Variants in LPCAT3 observed in about 807,000 individuals in gnomAD.
The protein encoded by LPCAT3 is lysophospholipid acyltransferase 5.
In LPCAT3, 21 loss-of-function variants were observed where a neutral mutation model predicts 63.4. The observed-to-expected ratio is 0.33, with a 90% CI of 0.23 to 0.48. The LOEUF (loss-of-function observed/expected upper bound fraction) is 0.48, where lower values mean the gene tolerates loss of function less well. LPCAT3 is among the 20% of genes least tolerant of loss of function. LPCAT3 has a pLI of 0.99. For missense variants in LPCAT3, 451 were observed against 590.6 expected (o/e 0.76, Z 2.45); for synonymous variants, 242 against 227.5 (o/e 1.06, Z -0.58).
intron 1 of LPCAT3, among the ~76,000 whole-genome samples, chr12:6,996,227 G>C (rs1222503854): frequency 6.6e-6 from 1 of 152,154 alleles, no homozygotes; most frequent in Non-Finnish European, 1.5e-5. Flanking sequence ...GCCTTCACAT[G>C]GTAAGTTCCT....
chr12:6,977,486 G>T lies in LPCAT3; in HGVS notation c.1228C>A (p.Leu410Met). 6.2e-7 allele frequency: 1 copy of T among 1,614,230 alleles called. No homozygotes were observed. Among genetic ancestry groups the T allele is most frequent in the Non-Finnish European group, 8.5e-7 (1 of 1,180,046 alleles). The stretch of plus-strand genomic sequence containing the variant: ...GGCTGGAGGACAGTAATGGCGGCCA[G>T]CTTGCTCAGGGTGGGGCTCTCTTGA... ...LIQESPTLSK[L>M]AAITVLQPFY... The change falls in exon 11 of 13, where the codon CTG (leucine) becomes ATG (methionine). Residue 410 changes from leucine to methionine, a missense_variant. This residue lies in a region of LPCAT3 where 304 missense variants were observed against 390.8 expected (regional missense o/e 0.78). Transcript: ENST00000261407. The surrounding 1 kb of genome is among the most constrained non-coding windows in gnomAD (Gnocchi z 4.5).
intron 1 of LPCAT3, among the ~76,000 whole-genome samples, chr12:7,016,973 G>T (rs1231697841): frequency 6.6e-6 from 1 of 152,216 alleles, no homozygotes; most frequent in East Asian, 1.9e-4. Flanking sequence ...ATTAGGCAAG[G>T]TTGTTTAAAT....
At position 7,018,411 on chromosome 12, in the gene LPCAT3, G is replaced by A; in HGVS notation, c.14C>T (p.Ala5Val). ...CACCACAGTCCCCTCGTCCCCCTCC[G>A]CTGAGGACGCCATCTTAACTCCGGG... MASS[A>V]EGDEGTVVAL... is the part of the protein sequence containing the mutation. Residue 5 changes from alanine to valine, a missense_variant, in exon 1 of 13, where the codon GCG becomes GTG. Physicochemically the swap from Ala to Val is moderately conservative, Grantham distance 64. Transcript: ENST00000261407. The surrounding 1 kb of genome is among the most constrained non-coding windows in gnomAD (Gnocchi z 4.9). 2 of 1,606,858 alleles carry A rather than the reference G, an allele frequency of 1.2e-6. No homozygotes were observed. Among genetic ancestry groups the A allele is most frequent in the Non-Finnish European group, 1.7e-6 (2 of 1,176,170 alleles).
intron 1 of LPCAT3, among the ~76,000 whole-genome samples, chr12:7,010,311 G>A (rs1946753183): frequency 6.6e-6 from 1 of 152,130 alleles, no homozygotes; most frequent in African/African-American, 2.4e-5. Flanking sequence ...CTTTGTAGCT[G>A]GAAAGCTCCT....
At chr12:7,006,096 G>A (rs1946723117) in intron 1 of LPCAT3, among the ~76,000 whole-genome samples, 1 of 152,142 alleles carries the variant, frequency 6.6e-6, no homozygotes, top group African/African-American at 2.4e-5. Context: ...CTGTTGAGAC[G>A]ATGACCTGGG....
intron 2 of LPCAT3, 126 bp downstream of exon 2, chr12:6,983,306 C>T: frequency 1.5e-6 from 1 of 676,636 alleles, no homozygotes; most frequent in Non-Finnish European, 2.7e-6. Context: ...CTTCATACAA[C>T]CCTCTTTGCA....
chr12:6,981,890 A>C lies in LPCAT3; in HGVS notation c.381T>G (p.Ala127=), dbSNP rs781852997. The C allele has an allele frequency of 1.2e-6, 2 of 1,606,826 alleles. No homozygotes were observed. Among genetic ancestry groups the C allele is most frequent in the African/African-American group, 2.7e-5 (2 of 74,852 alleles). ...TFCFQMAYLL[A]GYYYTATGNY... is the part of the protein sequence containing the mutation. ...TGCCGGTGGCAGTGTAATAGTATCC[A>C]GCCAGAAGGTAGGCCTAGGAGAGGC... Residue 127 remains alanine (A), a synonymous_variant, in exon 4 of 13, where the codon GCT becomes GCG. Transcript: ENST00000261407.
Position 6,981,162 on chromosome 12 carries a change from T to C in LPCAT3, c.519A>G (p.Gln173=). ...GAACACCACGTATGGCATATTTCTG[T>C]TGCTCAGAGGACAAGGAATTCTATG... ...GKDQNSLSSE[Q]QKYAIRGVPS... The change falls in exon 6 of 13, where the codon CAA becomes CAG. Residue 173 remains glutamine (Q), a synonymous_variant. Transcript: ENST00000261407. The C allele has an allele frequency of 6.2e-7, 1 of 1,611,344 alleles. No homozygotes were observed. Among genetic ancestry groups the C allele is most frequent in the Non-Finnish European group, 8.5e-7 (1 of 1,178,996 alleles).
rs782597502 is a variant in LPCAT3 at position 6,981,577 on chromosome 12, C to G, written c.498+18G>C. ...TTCATTAAGTCTTGAACCTCTCTGC[C>G]GATGAATGGGTACTTACCTGATCTT... On this transcript the variant is annotated intron_variant, in intron 5 of 12. Transcript: ENST00000261407. 1.3e-5 allele frequency: 21 copies of G among 1,613,312 alleles called. 1 individual carries two copies. The highest frequency in any genetic ancestry group is 8.9e-5 in the East Asian group (4 of 44,858).
chr12:6,984,275 A>T (rs1946500739), intron 1 of LPCAT3, among the ~76,000 whole-genome samples: 1 of 152,250 alleles, frequency 6.6e-6, no homozygotes, highest in South Asian at 2.1e-4. Context: ...CCATGAGTGA[A>T]CCACAGAGGA....
intron 9 of LPCAT3, 89 bp downstream of exon 9, chr12:6,978,252 T>C (rs2138328048): frequency 1.4e-6 from 2 of 1,435,816 alleles, no homozygotes; most frequent in East Asian, 4.6e-5. Context: ...GAAAGACGCA[T>C]AGGGGTGACA....
rs782796167 is a variant in LPCAT3 at position 6,978,783 on chromosome 12, C to T, written c.787-94G>A. ...TTTTCACACTTGTGGCTGGCTACTT[C>T]ATACCTGCCTGAGTCCTGCTGCCAG... On this transcript the variant is annotated intron_variant, in intron 7 of 12. Coordinates refer to ENST00000261407, the MANE Select transcript of LPCAT3 (RefSeq NM_005768.6). 1.9e-6 allele frequency: 3 copies of T among 1,542,182 alleles called. No homozygotes were observed. In the East Asian group the frequency reaches 7.0e-5, roughly 36 times the overall value.
chr12:6,986,070 C>T (rs1394551283), intron 1 of LPCAT3, among the ~76,000 whole-genome samples: 3 of 152,014 alleles, frequency 2.0e-5, no homozygotes, highest in South Asian at 2.1e-4. Context: ...CCACCACGCC[C>T]GGCCAACTGG....
At chr12:6,997,427 G>GTGTT (rs1565603363) in intron 1 of LPCAT3, 6 of 137,546 alleles carry the variant, frequency 4.4e-5, no homozygotes, top group African/African-American at 1.8e-4. Flanking sequence ...GTGTGTGTGT[G>GTGTT]TTTCAAGACA....
At chr12:6,993,046 G>A (rs1410717106) in intron 1 of LPCAT3, among the ~76,000 whole-genome samples, 6 of 152,044 alleles carry the variant, frequency 3.9e-5, no homozygotes, top group African/African-American at 1.4e-4. Flanking sequence ...CAAATATGGA[G>A]GGCTGACTAT....
Position 6,977,973 on chromosome 12 carries a change from G to A in LPCAT3, c.1041-228C>T. 3 of 581,018 alleles carry A rather than the reference G, an allele frequency of 5.2e-6. 1 individual carries two copies. The South Asian group carries it at 6.0e-5, about 12-fold the overall frequency. 36.0% of individuals were successfully genotyped at this position (581,018 alleles called of 1,614,324 possible). On this transcript the variant is annotated intron_variant, in intron 9 of 12. Transcript: ENST00000261407. The surrounding 1 kb of genome is among the most constrained non-coding windows in gnomAD (Gnocchi z 4.5). ...GCACGAGCCACTTGGTTCAGCAGCA[G>A]TGACTGAGGCTGATGCTGAGATCAG...
intron 1 of LPCAT3, among the ~76,000 whole-genome samples, chr12:6,990,767 A>G (rs1555155406): frequency 6.6e-6 from 1 of 150,656 alleles, no homozygotes; most frequent in African/African-American, 2.4e-5. Flanking sequence ...AAATACAAAA[A>G]CCAGCCAGAC....
chr12:6,994,912 C>A (rs1555155883), intron 1 of LPCAT3, among the ~76,000 whole-genome samples: 1 of 152,182 alleles, frequency 6.6e-6, no homozygotes, highest in Non-Finnish European at 1.5e-5. Flanking sequence ...ACTATTCTTG[C>A]TACACTGCTT....
At chr12:7,009,316 C>A (rs1175050253) in intron 1 of LPCAT3, among the ~76,000 whole-genome samples, 1 of 152,222 alleles carries the variant, frequency 6.6e-6, no homozygotes, top group Non-Finnish European at 1.5e-5. Flanking sequence ...CTGCCTCGGC[C>A]TCCCAAAGTG....
Sources: allele counts gnomAD v4.1 joint callset (sites outside exome capture counted in the v4.1 genomes callset), GRCh38; gene constraint gnomAD v4.1.1; regional missense constraint gnomAD v4.1.1; non-coding constraint Gnocchi (gnomAD v3.1); transcripts MANE v1.5; gene names NCBI Gene and HGNC (gene_info 2026-07-23, HGNC 2026-07-21).